The following EFL1 variants were observed in gnomAD, a reference collection of about 807,000 sequenced individuals.
EFL1 encodes elongation factor like GTPase 1.
In EFL1, 76 loss-of-function variants were observed where a neutral mutation model predicts 126.7. The ratio of observed to expected loss-of-function variants is 0.60; its 90% CI spans 0.50 to 0.73. EFL1 has a LOEUF of 0.73. Ranked by LOEUF, EFL1 falls within the 30% of genes least tolerant of loss-of-function variation. The pLI is 0.00. For missense variants in EFL1, 1,128 were observed against 1,343.2 expected, an observed-to-expected ratio of 0.84 and a Z score of 2.50; for synonymous variants, 410 against 448.4, an observed-to-expected ratio of 0.91 and a Z score of 1.08.
intron 18 of EFL1, among the ~76,000 whole-genome samples, chr15:82,147,914 A>G (rs546382953): frequency 6.6e-6 from 1 of 152,296 alleles, no homozygotes; most frequent in East Asian, 1.9e-4. Context: ...CAAAATCAAA[A>G]CAAGCTGAGT....
intron 4 of EFL1, among the ~76,000 whole-genome samples, chr15:82,245,063 T>C (rs1260951029): frequency 6.6e-6 from 1 of 152,160 alleles, no homozygotes; most frequent in Non-Finnish European, 1.5e-5. Context: ...TCCTTATGTA[T>C]GAACTTCTAA....
At chr15:82,170,854 T>C (rs1289801181) in intron 15 of EFL1, among the ~76,000 whole-genome samples, 1 of 152,226 alleles carries the variant, frequency 6.6e-6, no homozygotes, top group Non-Finnish European at 1.5e-5. Flanking sequence ...TAGTAACACA[T>C]GGTTTTAAGT....
intron 12 of EFL1, among the ~76,000 whole-genome samples, chr15:82,220,685 A>C (rs990785072): frequency 5.3e-5 from 8 of 152,062 alleles, no homozygotes; most frequent in Non-Finnish European, 1.2e-4. Flanking sequence ...GGTCAAACTG[A>C]AATATCAGCC....
intron 4 of EFL1, among the ~76,000 whole-genome samples, chr15:82,250,949 C>A (rs564833598): frequency 3.9e-5 from 6 of 152,180 alleles, no homozygotes; most frequent in African/African-American, 4.8e-5. Context: ...CGGTGGCTCC[C>A]GACTGTAATC....
At chr15:82,193,896 G>A (rs986281521) in intron 15 of EFL1, among the ~76,000 whole-genome samples, 9 of 152,118 alleles carry the variant, frequency 5.9e-5, no homozygotes, top group African/African-American at 2.2e-4. Flanking sequence ...CACCCAACTC[G>A]CCGCCTTCAC....
intron 15 of EFL1, among the ~76,000 whole-genome samples, chr15:82,211,542 A>G (rs1230684753): frequency 1.1e-5 from 1 of 94,220 alleles, no homozygotes; most frequent in Non-Finnish European, 2.2e-5. Flanking sequence ...AAAAAAAAAA[A>G]TCTATATACA....
At chr15:82,157,616 A>G (rs1018198322) in intron 17 of EFL1, 97 bp downstream of exon 17, 21 of 1,379,004 alleles carry the variant, frequency 1.5e-5, no homozygotes, top group Non-Finnish European at 1.9e-5. Flanking sequence ...TTTCTCCAAA[A>G]ATAAGCCGCA....
chr15:82,153,533 A>G (rs188879945), intron 17 of EFL1, among the ~76,000 whole-genome samples: 1 of 152,344 alleles, frequency 6.6e-6, no homozygotes, highest in Non-Finnish European at 1.5e-5. Context: ...AGGCACTAGT[A>G]CTATCTAATT....
intron 15 of EFL1, among the ~76,000 whole-genome samples, chr15:82,199,028 T>C (rs1168862039): frequency 1.3e-5 from 2 of 152,038 alleles, no homozygotes; most frequent in African/African-American, 4.8e-5. Context: ...GTTCACTGCA[T>C]TAAAAAAAAA....
intron 7 of EFL1, among the ~76,000 whole-genome samples, chr15:82,233,980 T>C (rs1396957703): frequency 6.6e-6 from 1 of 152,224 alleles, no homozygotes; most frequent in African/African-American, 2.4e-5. Flanking sequence ...GAACAGACAG[T>C]AGCCAATCTC....
intron 15 of EFL1, among the ~76,000 whole-genome samples, chr15:82,205,155 GC>G (rs1375859812): frequency 1.3e-5 from 2 of 152,164 alleles, no homozygotes; most frequent in Admixed American, 1.3e-4. Flanking sequence ...AACTAGGGAA[GC>G]CCCAAATCAT....
intron 15 of EFL1, among the ~76,000 whole-genome samples, chr15:82,164,624 G>A (rs913942761): frequency 7.9e-5 from 12 of 152,336 alleles, no homozygotes; most frequent in Middle Eastern, 3.4e-3. Context: ...GGGGCCAGGT[G>A]CAGTGGCTCA....
chr15:82,162,805 G>GAGGGA (rs2074037132), intron 16 of EFL1, among the ~76,000 whole-genome samples: 1 of 152,174 alleles, frequency 6.6e-6, no homozygotes, highest in Non-Finnish European at 1.5e-5. Flanking sequence ...GAGTTCAGAA[G>GAGGGA]GCTTAGCTCC....
chr15:82,142,223 G>T (rs2073796826), intron 18 of EFL1, among the ~76,000 whole-genome samples: 1 of 152,188 alleles, frequency 6.6e-6, no homozygotes, highest in Admixed American at 6.5e-5. Context: ...GATCAGAGTT[G>T]GTTGAGTACA....
chr15:82,164,028 T>C, intron 15 of EFL1, 44 bp from the exon 16 acceptor site: 1 of 1,601,254 alleles, frequency 6.2e-7, no homozygotes, highest in East Asian at 2.2e-5. Flanking sequence ...GGATGATAAA[T>C]TCTGAATTTA....
At chr15:82,197,595 C>T (rs1251749729) in intron 15 of EFL1, among the ~76,000 whole-genome samples, 2 of 152,158 alleles carry the variant, frequency 1.3e-5, no homozygotes, top group East Asian at 3.9e-4. Flanking sequence ...CATAATAATG[C>T]TTTTTTCCAA....
intron 15 of EFL1, among the ~76,000 whole-genome samples, chr15:82,191,448 C>T (rs572736065): frequency 3.9e-5 from 6 of 152,158 alleles, no homozygotes; most frequent in South Asian, 2.1e-4. Context: ...GCAGACTGCA[C>T]GGATCAAATA....
chr15:82,175,189 A>G (rs954322862), intron 15 of EFL1, among the ~76,000 whole-genome samples: 1 of 152,148 alleles, frequency 6.6e-6, no homozygotes, highest in Non-Finnish European at 1.5e-5. Context: ...CCAAGCTTCA[A>G]AAGCTTGGGA....
chr15:82,215,249 T>C (rs2074633431), intron 14 of EFL1, among the ~76,000 whole-genome samples: 1 of 152,194 alleles, frequency 6.6e-6, no homozygotes, highest in Non-Finnish European at 1.5e-5. Flanking sequence ...TCCTTTCAAG[T>C]TGTTTTATTT....
Sources: allele counts gnomAD v4.1 joint callset (sites outside exome capture counted in the v4.1 genomes callset), GRCh38; gene constraint gnomAD v4.1.1; transcripts MANE v1.5; gene names NCBI Gene and HGNC (gene_info 2026-07-23, HGNC 2026-07-21).